The following SMARCA2 variants were observed in gnomAD, a reference collection of about 807,000 sequenced individuals.
SMARCA2 encodes the protein SWI/SNF related BAF chromatin remodeling complex subunit ATPase 2, also known as SWI/SNF-related matrix-associated actin-dependent regulator of chromatin subfamily A member 2.
SMARCA2 carries 61 observed loss-of-function variants against 199.8 expected under a neutral mutation model. The observed-to-expected ratio is 0.31, with a 90% confidence interval of 0.25 to 0.38. SMARCA2 has a LOEUF of 0.38. Ranked by LOEUF, SMARCA2 falls within the 10% of genes least tolerant of loss-of-function variation. The pLI, the probability that SMARCA2 is intolerant of heterozygous loss-of-function variation, is 1.00. For synonymous variants in SMARCA2, 935 were observed against 732.0 expected, an observed-to-expected ratio of 1.28 and a Z score of -4.48; for missense variants, 1,344 against 2,012.2, an observed-to-expected ratio of 0.67 and a Z score of 6.35.
intron 27 of SMARCA2, among the ~76,000 whole-genome samples, chr9:2,148,285 C>A (rs1327546788): frequency 6.6e-6 from 1 of 151,518 alleles, no homozygotes; most frequent in Non-Finnish European, 1.5e-5. Flanking sequence ...CACAGCTGAT[C>A]ATTGGTATTT....
chr9:2,099,128 C>A (rs1822397172), intron 21 of SMARCA2, among the ~76,000 whole-genome samples: 1 of 152,050 alleles, frequency 6.6e-6, no homozygotes, highest in Admixed American at 6.5e-5. Context: ...ATACTACTGG[C>A]AGGAGGACCA....
rs778046379 is a variant in SMARCA2, at chr9:2,115,780, C to T, written c.3457-42C>T. 2.0e-6 allele frequency: 3 copies of T among 1,531,784 alleles called. No individual in the cohort carries two copies. Among genetic ancestry groups the T allele is most frequent in the South Asian group, 1.1e-5 (1 of 88,290 alleles). 94.9% of individuals were successfully genotyped at this position (1,531,784 alleles called of 1,614,324 possible). On this transcript the variant is annotated intron_variant, in intron 24 of 33. Transcript: ENST00000349721. The surrounding 1 kb of genome is among the most constrained non-coding windows in gnomAD (Gnocchi z 6.0). ...TGGGGTCCGGTTTTGGATGCCTATGCCAGGCATCTCAGTCCTCATAGCATA... is the reference window on the plus strand; with the variant it reads ...TGGGGTCCGGTTTTGGATGCCTATGTCAGGCATCTCAGTCCTCATAGCATA...
Position 2,056,880 on chromosome 9 carries a change from T to A in SMARCA2, c.1347+35T>A. 6.3e-7 allele frequency: 1 copy of A among 1,593,034 alleles called. No homozygotes were observed. Among genetic ancestry groups the A allele is most frequent in the African/African-American group, 1.3e-5 (1 of 74,078 alleles). On this transcript the variant is annotated intron_variant, in intron 7 of 33. Transcript: ENST00000349721. The surrounding 1 kb of genome is among the most constrained non-coding windows in gnomAD (Gnocchi z 4.0). The stretch of plus-strand genomic sequence containing the variant: ...CCCTGGGCTTTGCTCACCCTCACTT[T>A]GGCAGAGCTGTCCAATGAATTCATC...
At chr9:2,160,665 GATTA>G (rs1414157777) in intron 27 of SMARCA2, 1 of 665,560 alleles carries the variant, frequency 1.5e-6, no homozygotes, top group Non-Finnish European at 2.8e-6. Context: ...AGAAAGGATT[GATTA>G]TCATTTGCAT....
At chr9:2,165,257 T>C (rs1486125396) in intron 28 of SMARCA2, among the ~76,000 whole-genome samples, 2 of 152,344 alleles carry the variant, frequency 1.3e-5, no homozygotes, top group African/African-American at 4.8e-5. Context: ...TTAACTGATA[T>C]ATAAGAAGAA....
At chr9:2,095,993 T>C (rs1420083594) in intron 19 of SMARCA2, among the ~76,000 whole-genome samples, 2 of 152,230 alleles carry the variant, frequency 1.3e-5, no homozygotes, top group African/African-American at 4.8e-5. Flanking sequence ...CCCTTAACTT[T>C]TTAAAATTGG....
At chr9:2,156,172 G>A (rs551606273) in intron 27 of SMARCA2, among the ~76,000 whole-genome samples, 1 of 152,186 alleles carries the variant, frequency 6.6e-6, no homozygotes, top group East Asian at 1.9e-4. Context: ...AAAAGTTCTA[G>A]CCATTGGCCA....
chr9:2,179,333 C>T (rs1826847106), intron 29 of SMARCA2, among the ~76,000 whole-genome samples: 1 of 152,180 alleles, frequency 6.6e-6, no homozygotes, highest in Non-Finnish European at 1.5e-5. Context: ...AGAAGTCTTC[C>T]ATAGATAACT....
intron 27 of SMARCA2, among the ~76,000 whole-genome samples, chr9:2,128,280 A>G (rs1181661759): frequency 6.6e-6 from 1 of 152,212 alleles, no homozygotes; most frequent in Non-Finnish European, 1.5e-5. Context: ...AGGTCTTTAC[A>G]TGCAGCTGGT....
In SMARCA2 at chr9:2,138,181, CAACA is replaced by C. The variant is rs946575522; in HGVS notation, c.3981+14247_3981+14250del. On this transcript the variant is annotated intron_variant, in intron 27 of 33. Coordinates refer to ENST00000349721, the MANE Select transcript of SMARCA2 (RefSeq NM_003070.5). The stretch of plus-strand genomic sequence containing the variant: ...TTTCTTCAGCAAAAAACAACAACAA[CAACA>C]AAAAAAAAACAGATAAATACATCTA... Among the ~76,000 whole-genome samples the C allele has an allele frequency of 5.3e-4, 66 of 123,416 alleles. 1 individual carries two copies. The highest frequency in any genetic ancestry group is 3.1e-3 in the African/African-American group (63 of 20,578). The allele number at this position is 123,416 out of a possible 152,430, so 81.0% of individuals were successfully genotyped here.
At chr9:2,191,518 A>AATGTCAGGATTTAGTGAG in intron 33 of SMARCA2, 110 bp downstream of exon 33, 3 of 1,187,516 alleles carry the variant, frequency 2.5e-6, no homozygotes, top group Non-Finnish European at 3.6e-6. Context: ...CAGGACTGGA[A>AATGTCAGGATTTAGTGAG]ATGTCAGGAT....
intron 23 of SMARCA2, among the ~76,000 whole-genome samples, chr9:2,107,242 T>C (rs903516353): frequency 6.6e-6 from 1 of 152,260 alleles, no homozygotes; most frequent in Non-Finnish European, 1.5e-5. Flanking sequence ...AGAAATGCCA[T>C]AGCTTTGTAT....
At chr9:2,159,836 G>T in intron 27 of SMARCA2, 1 of 1,611,716 alleles carries the variant, frequency 6.2e-7, no homozygotes, top group Non-Finnish European at 8.5e-7. Context: ...CTAGCAGCTC[G>T]CTGCTTTGCT....
At chr9:2,138,954 C>T (rs182132327) in intron 27 of SMARCA2, among the ~76,000 whole-genome samples, 1 of 152,102 alleles carries the variant, frequency 6.6e-6, no homozygotes, top group Non-Finnish European at 1.5e-5. Context: ...AAAATGCAGG[C>T]TTGACAACTA....
chr9:2,150,099 T>G lies in SMARCA2; in HGVS notation c.3982-11587T>G, dbSNP rs73638396. 3.6e-4 allele frequency among the ~76,000 whole-genome samples: 54 copies of G among 151,546 alleles called. 4 individuals are homozygous for G. The highest frequency in any genetic ancestry group is 2.6e-3 in the Admixed American group (39 of 15,222). ...GTATCTATTGCTAACCAAATACTTG[T>G]GTGTGAGTGCAAGGAATTAGAACCT... On this transcript the variant is annotated intron_variant, in intron 27 of 33. Coordinates refer to ENST00000349721, the MANE Select transcript of SMARCA2 (RefSeq NM_003070.5).
At position 2,115,920 on chromosome 9, in the gene SMARCA2, C is replaced by T. The variant is rs78868042; in HGVS notation, c.3555C>T (p.Leu1185=). The change falls in exon 25 of 34, where the codon CTC becomes CTT. Residue 1185 remains leucine, a synonymous_variant. Coordinates refer to ENST00000349721, the MANE Select transcript of SMARCA2 (RefSeq NM_003070.5). The surrounding 1 kb of genome is among the most constrained non-coding windows in gnomAD (Gnocchi z 6.0). Reference sequence around the variant, plus strand: ...TGAACAGCGTGGAGGAAAAGATCCTCGCGGCCGCAAAATACAAGCTGAACG... The same window carrying T: ...TGAACAGCGTGGAGGAAAAGATCCTTGCGGCCGCAAAATACAAGCTGAACG... ...CTVNSVEEKI[L]AAAKYKLNVD... The T allele has an allele frequency of 7.8e-4, 1,251 of 1,614,046 alleles. 13 individuals carry two copies. In the African/African-American group the frequency reaches 0.015, roughly 19 times the overall value.
At chr9:2,144,159 C>A (rs1202895780) in intron 27 of SMARCA2, among the ~76,000 whole-genome samples, 1 of 152,060 alleles carries the variant, frequency 6.6e-6, no homozygotes, top group African/African-American at 2.4e-5. Context: ...TGATTTTTTT[C>A]TTGAAATTTG....
chr9:2,085,432 A>AGTAGACCCCATAGCAAAATCAAAGGCCT (rs1821759753), intron 17 of SMARCA2, among the ~76,000 whole-genome samples: 1 of 152,222 alleles, frequency 6.6e-6, no homozygotes, highest in Admixed American at 6.5e-5. Flanking sequence ...CCTAATTAGT[A>AGTAGACCCCATAGCAAAATCAAAGGCCT]GTAGACCCCA....
intron 27 of SMARCA2, among the ~76,000 whole-genome samples, chr9:2,146,501 A>G (rs12349346): frequency 0.13 from 19,527 of 152,168 alleles, 1,493 homozygotes; most frequent in East Asian, 0.32. Flanking sequence ...TGTGGTCACC[A>G]GAAAGATGTT....
Sources: allele counts gnomAD v4.1 joint callset (sites outside exome capture counted in the v4.1 genomes callset), GRCh38; gene constraint gnomAD v4.1.1; non-coding constraint Gnocchi (gnomAD v3.1); transcripts MANE v1.5; gene names NCBI Gene and HGNC (gene_info 2026-07-23, HGNC 2026-07-21).